The following FAM120A variants were observed in gnomAD, a reference collection of about 807,000 sequenced individuals.
FAM120A encodes constitutive coactivator of PPAR-gamma-like protein 1.
In FAM120A, 15 loss-of-function variants were observed where a neutral mutation model predicts 109.7. The ratio of observed to expected loss-of-function variants is 0.14; its 90% CI spans 0.09 to 0.21. The LOEUF is 0.21. FAM120A is among the 10% of genes least tolerant of loss of function. The pLI is 1.00. For missense variants in FAM120A, 899 were observed against 1,439.3 expected (o/e 0.62, Z 6.07); for synonymous variants, 493 against 572.8 (o/e 0.86, Z 1.99).
At position 93,451,891 on chromosome 9, in the gene FAM120A, C is replaced by G; in HGVS notation, c.-25C>G. 1 of 1,247,392 alleles carries G rather than the reference C, an allele frequency of 8.0e-7. No homozygotes were observed. Among genetic ancestry groups the G allele is most frequent in the Non-Finnish European group, 1.0e-6 (1 of 999,388 alleles). 77.3% of individuals were successfully genotyped at this position (1,247,392 alleles called of 1,614,324 possible). A position where few individuals can be genotyped will look rare whatever the true frequency, so the allele number is the denominator to read the frequency against. On this transcript the variant is annotated 5_prime_UTR_variant, in exon 1 of 18. Coordinates refer to ENST00000277165, the MANE Select transcript of FAM120A (RefSeq NM_014612.5). ...CGGCCCCGCCGCCCCCCGCCCGCAC[C>G]CGCGCCCGCGCCCCCGCCGCCGCCA...
chr9:93,488,056 C>A (rs1859141640), intron 3 of FAM120A, among the ~76,000 whole-genome samples: 1 of 152,192 alleles, frequency 6.6e-6, no homozygotes, highest in Non-Finnish European at 1.5e-5. Flanking sequence ...CATTTATTTT[C>A]CCATTTTTAC....
intron 11 of FAM120A, among the ~76,000 whole-genome samples, chr9:93,544,337 T>G (rs1861808529): frequency 6.6e-6 from 1 of 152,208 alleles, no homozygotes; most frequent in African/African-American, 2.4e-5. Context: ...CCCTTGTTCC[T>G]TGTTGTGAAA....
Position 93,532,548 on chromosome 9 carries a change from T to C in FAM120A, c.1909+219T>C. On this transcript the variant is annotated intron_variant, in intron 10 of 17. Coordinates refer to ENST00000277165, the MANE Select transcript of FAM120A (RefSeq NM_014612.5). The surrounding 1 kb of genome is among the most constrained non-coding windows in gnomAD (Gnocchi z 4.3). ...TCAGTAACATTCCAATAATGATGTT[T>C]ATTCAGTAAAATAATAAAACAGGTT... 1 of 558,734 alleles carries C rather than the reference T, an allele frequency of 1.8e-6. No homozygotes were observed. The highest frequency in any genetic ancestry group is 3.2e-6 in the Non-Finnish European group (1 of 312,626). The allele number at this position is 558,734 out of a possible 1,614,324, so 34.6% of individuals were successfully genotyped here. A position where few individuals can be genotyped will look rare whatever the true frequency, so the allele number is the denominator to read the frequency against.
intron 11 of FAM120A, among the ~76,000 whole-genome samples, chr9:93,545,319 T>C (rs2131525800): frequency 6.6e-6 from 1 of 152,332 alleles, no homozygotes; most frequent in East Asian, 1.9e-4. Flanking sequence ...TATATCTCAT[T>C]GAAAACAGTG....
chr9:93,520,488 G>A (rs942373752), intron 7 of FAM120A, among the ~76,000 whole-genome samples: 4 of 152,198 alleles, frequency 2.6e-5, no homozygotes, highest in African/African-American at 9.6e-5. Context: ...TTTTACAAAA[G>A]CCTATAAAAT....
chr9:93,543,474 G>A lies in FAM120A; in HGVS notation c.2159+3G>A, dbSNP rs1861776750. ...ATGGTGCTCTGCTGCGTCTTACGGTGGGTGCCATGCATGGGAGCTGGGACC... is the reference window on the plus strand; with the variant it reads ...ATGGTGCTCTGCTGCGTCTTACGGTAGGTGCCATGCATGGGAGCTGGGACC... On this transcript the variant is annotated splice_donor_region_variant and intron_variant, in intron 11 of 17. Coordinates refer to ENST00000277165, the MANE Select transcript of FAM120A (RefSeq NM_014612.5). 1.2e-6 allele frequency: 2 copies of A among 1,612,686 alleles called. No individual in the cohort carries two copies. The highest frequency in any genetic ancestry group is 2.2e-5 in the South Asian group (2 of 91,032).
intron 5 of FAM120A, among the ~76,000 whole-genome samples, chr9:93,505,389 T>A (rs1294995368): frequency 6.6e-6 from 1 of 152,220 alleles, no homozygotes; most frequent in African/African-American, 2.4e-5. Flanking sequence ...TGGGTTGTTT[T>A]TCTTTTTGCT....
At chr9:93,545,413 C>T (rs59425892) in intron 11 of FAM120A, among the ~76,000 whole-genome samples, 124 of 152,354 alleles carry the variant, frequency 8.1e-4, no homozygotes, top group African/African-American at 2.8e-3. Flanking sequence ...CTGCTGCATT[C>T]GTAGCTTCTG....
intron 1 of FAM120A, among the ~76,000 whole-genome samples, chr9:93,469,735 GT>G (rs1268999752): frequency 6.6e-6 from 1 of 152,052 alleles, no homozygotes; most frequent in Admixed American, 6.5e-5. Flanking sequence ...ATGTTGTTTG[GT>G]TTTTTTCTTA....
At position 93,478,526 on chromosome 9, in the gene FAM120A, G is replaced by A. The variant is rs992582234; in HGVS notation, c.804+2188G>A. Among the ~76,000 whole-genome samples the A allele has an allele frequency of 5.9e-5, 9 of 152,294 alleles. No individual in the cohort carries two copies. In the South Asian group the frequency reaches 1.2e-3, roughly 21 times the overall value. Reference sequence around the variant, plus strand: ...GAGTCTTGCTCTGTCACCCAGGATGGAGTACAGGGGTGAGATCTCGGCTCA... The same window carrying A: ...GAGTCTTGCTCTGTCACCCAGGATGAAGTACAGGGGTGAGATCTCGGCTCA... On this transcript the variant is annotated intron_variant, in intron 3 of 17. Coordinates refer to ENST00000277165, the MANE Select transcript of FAM120A (RefSeq NM_014612.5).
intron 5 of FAM120A, among the ~76,000 whole-genome samples, chr9:93,513,844 A>T (rs918707860): frequency 1.6e-4 from 25 of 152,180 alleles, no homozygotes; most frequent in African/African-American, 5.6e-4. Context: ...TGGCTTAGGG[A>T]ACCTCTTGTG....
At chr9:93,521,168 G>T (rs1860830489) in intron 7 of FAM120A, among the ~76,000 whole-genome samples, 1 of 152,180 alleles carries the variant, frequency 6.6e-6, no homozygotes, top group African/African-American at 2.4e-5. Context: ...AAAATTGAAG[G>T]TGAACCTGTT....
chr9:93,494,406 G>A (rs2150749), intron 3 of FAM120A, among the ~76,000 whole-genome samples: 42,555 of 152,098 alleles, frequency 0.28, 7,051 homozygotes, highest in East Asian at 0.44. Flanking sequence ...CCATTGCCAA[G>A]TCTCCATCCT....
intron 1 of FAM120A, among the ~76,000 whole-genome samples, chr9:93,460,384 CAA>C (rs146029954): frequency 0.011 from 1,612 of 152,240 alleles, 33 homozygotes; most frequent in African/African-American, 0.036. Flanking sequence ...CTCTGTTGCC[CAA>C]CCTGGAGTGC....
intron 7 of FAM120A, among the ~76,000 whole-genome samples, chr9:93,525,497 A>C (rs1861038155): frequency 6.6e-6 from 1 of 152,226 alleles, no homozygotes; most frequent in Admixed American, 6.5e-5. Context: ...TAAGCTTAAC[A>C]ACAGTTTGAG....
Position 93,465,241 on chromosome 9 carries a change from C to T in FAM120A, c.475-5900C>T, listed in dbSNP as rs1020189617. Among the ~76,000 whole-genome samples, 5 of 152,212 alleles carry T rather than the reference C, an allele frequency of 3.3e-5. 1 individual carries two copies. Among genetic ancestry groups the T allele is most frequent in the South Asian group, 4.1e-4 (2 of 4,834 alleles). On this transcript the variant is annotated intron_variant, in intron 1 of 17. Transcript: ENST00000277165. ...CTTGCATTGTATTGTCTTTTTACCC[C>T]TGCTCATATCCTTGATCAGATTTTT...
chr9:93,455,921 A>G (rs1023360419), intron 1 of FAM120A, among the ~76,000 whole-genome samples: 2 of 152,170 alleles, frequency 1.3e-5, no homozygotes, highest in Non-Finnish European at 2.9e-5. Context: ...TCGGCCTCCC[A>G]AAGTGCTGGG....
At chr9:93,558,557 C>G (rs1225417788) in intron 14 of FAM120A, 24 bp from the exon 15 acceptor site, 10 of 1,613,128 alleles carry the variant, frequency 6.2e-6, no homozygotes, top group Non-Finnish European at 8.5e-6. Context: ...CTTCTCCCCT[C>G]TCTCTCTACC....
chr9:93,522,552 C>T (rs1860887853), intron 7 of FAM120A, among the ~76,000 whole-genome samples: 1 of 152,200 alleles, frequency 6.6e-6, no homozygotes, highest in South Asian at 2.1e-4. Context: ...GATCTATATA[C>T]ATCCACTTTA....
Sources: gnomAD v4.1 joint callset for allele counts (sites outside exome capture counted in the v4.1 genomes callset) on GRCh38, gnomAD v4.1.1 for gene constraint, Gnocchi (gnomAD v3.1) non-coding constraint, MANE v1.5 for transcripts, NCBI Gene and HGNC (gene_info 2026-07-23, HGNC 2026-07-21) for gene names.